RB1: variants seen among roughly 807,000 people sequenced by gnomAD.
RB1 encodes retinoblastoma-associated protein.
A neutral mutation model predicts 135.4 loss-of-function variants in RB1; 18 were observed. That is an observed-to-expected ratio of 0.13 (90% CI 0.09 to 0.20). RB1 has a LOEUF of 0.20. Among genes scored for constraint, RB1 ranks in the 10% least tolerant of loss-of-function variants. The pLI is 1.00. For synonymous variants in RB1, 365 were observed against 373.2 expected (o/e 0.98, Z 0.25); for missense variants, 868 against 1,110.0 (o/e 0.78, Z 3.10).
At chr13:48,336,508 A>G (rs2138075247) in intron 2 of RB1, among the ~76,000 whole-genome samples, 1 of 152,110 alleles carries the variant, frequency 6.6e-6, no homozygotes, top group Non-Finnish European at 1.5e-5. Context: ...GGTAGTTTGT[A>G]TTTCTGTGGG....
intron 17 of RB1, among the ~76,000 whole-genome samples, chr13:48,450,978 T>G (rs138025092): frequency 6.6e-6 from 1 of 152,336 alleles, no homozygotes; most frequent in East Asian, 1.9e-4. Context: ...GGCTCTTTGC[T>G]TGCTTATTGT....
chr13:48,361,321 A>G (rs188491920), intron 7 of RB1, among the ~76,000 whole-genome samples: 91 of 152,274 alleles, frequency 6.0e-4, no homozygotes, highest in Admixed American at 2.9e-3. Flanking sequence ...CTGACTGAAT[A>G]TGGTAACTCT....
At chr13:48,318,737 T>G in intron 2 of RB1, 1 of 653,656 alleles carries the variant, frequency 1.5e-6, no homozygotes, top group Non-Finnish European at 2.8e-6. Flanking sequence ...GGTCCGGTGT[T>G]TTAGAGAGGG....
intron 2 of RB1, among the ~76,000 whole-genome samples, chr13:48,329,899 A>G (rs1952318197): frequency 6.6e-6 from 1 of 152,172 alleles, no homozygotes; most frequent in Non-Finnish European, 1.5e-5. Context: ...GCATACATGG[A>G]ACATTCTCCA....
At chr13:48,325,196 A>G (rs1349017942) in intron 2 of RB1, among the ~76,000 whole-genome samples, 1 of 152,066 alleles carries the variant, frequency 6.6e-6, no homozygotes, top group African/African-American at 2.4e-5. Flanking sequence ...TGTTCTCATT[A>G]TCTAGCTCCT....
intron 17 of RB1, among the ~76,000 whole-genome samples, chr13:48,443,449 T>C (rs1378372238): frequency 6.6e-6 from 1 of 152,182 alleles, no homozygotes; most frequent in Non-Finnish European, 1.5e-5. Context: ...ATATTTCTAA[T>C]GTATTAAGTC....
intron 17 of RB1, among the ~76,000 whole-genome samples, chr13:48,386,541 T>A (rs1022427044): frequency 1.3e-5 from 2 of 152,208 alleles, no homozygotes; most frequent in Non-Finnish European, 2.9e-5. Context: ...ATGTGTTACT[T>A]GTAAGACTGA....
intron 17 of RB1, chr13:48,411,703 A>C: frequency 6.2e-7 from 1 of 1,607,612 alleles, no homozygotes; most frequent in Non-Finnish European, 8.5e-7. Context: ...GGAACAAAAC[A>C]GAAACAGAAT....
chr13:48,380,329 T>A, intron 16 of RB1, 88 bp downstream of exon 16: 1 of 985,924 alleles, frequency 1.0e-6, no homozygotes, highest in Non-Finnish European at 1.6e-6. Flanking sequence ...AGGGATAGTG[T>A]GAGGTTAAGG....
intron 17 of RB1, among the ~76,000 whole-genome samples, chr13:48,410,832 T>C (rs1183781681): frequency 6.6e-6 from 1 of 152,156 alleles, no homozygotes; most frequent in Non-Finnish European, 1.5e-5. Context: ...CTGCTCAAGA[T>C]CTTCCAACAA....
chr13:48,349,122 C>CCTG, intron 6 of RB1, 99 bp downstream of exon 6: 2 of 1,255,596 alleles, frequency 1.6e-6, no homozygotes, highest in South Asian at 1.4e-5. Context: ...GAGTAATGTA[C>CCTG]TCCTCCCTCA....
intron 2 of RB1, among the ~76,000 whole-genome samples, chr13:48,326,118 C>T (rs1440152678): frequency 1.3e-5 from 2 of 152,040 alleles, no homozygotes; most frequent in Non-Finnish European, 2.9e-5. Flanking sequence ...TCCCTCTGCT[C>T]CAAGAAACAG....
chr13:48,308,150 A>G (rs946696122), intron 2 of RB1, among the ~76,000 whole-genome samples: 1 of 151,638 alleles, frequency 6.6e-6, no homozygotes, highest in African/African-American at 2.4e-5. Context: ...AAAAGGAGCA[A>G]ATAATTACTA....
intron 2 of RB1, among the ~76,000 whole-genome samples, chr13:48,309,138 A>T (rs930730234): frequency 6.6e-6 from 1 of 152,224 alleles, no homozygotes; most frequent in Non-Finnish European, 1.5e-5. Context: ...TAAATTAATG[A>T]ATGAATCTCT....
In RB1 at chr13:48,480,095, C is replaced by T. The variant is rs1344482362; in HGVS notation, c.*24C>T. ...GAGGATCTCAGGACCTTGGTGGACA[C>T]TGTGTACACCTCTGGATTCATTGTC... On this transcript the variant is annotated 3_prime_UTR_variant, in exon 27 of 27. Coordinates refer to ENST00000267163, the MANE Select transcript of RB1 (RefSeq NM_000321.3). The T allele has an allele frequency of 1.3e-6, 2 of 1,562,768 alleles. No individual in the cohort carries two copies. The highest frequency in any genetic ancestry group is 4.5e-5 in the East Asian group (2 of 44,274).
intron 17 of RB1, among the ~76,000 whole-genome samples, chr13:48,395,548 A>G (rs1198386533): frequency 6.6e-6 from 1 of 152,138 alleles, no homozygotes; most frequent in Non-Finnish European, 1.5e-5. Flanking sequence ...ACCTGACGGA[A>G]CTGAAAAAAC....
At chr13:48,433,423 T>C (rs1418737287) in intron 17 of RB1, among the ~76,000 whole-genome samples, 1 of 152,154 alleles carries the variant, frequency 6.6e-6, no homozygotes, top group Non-Finnish European at 1.5e-5. Context: ...GAATTGGGAT[T>C]CTGTTGCCTT....
At chr13:48,434,317 G>C (rs1407470937) in intron 17 of RB1, among the ~76,000 whole-genome samples, 1 of 151,922 alleles carries the variant, frequency 6.6e-6, no homozygotes, top group Non-Finnish European at 1.5e-5. Context: ...ATTCTTCAGT[G>C]AATCTGTTTT....
At chr13:48,363,370 G>A (rs1050396041) in intron 8 of RB1, among the ~76,000 whole-genome samples, 3 of 151,990 alleles carry the variant, frequency 2.0e-5, no homozygotes, top group Non-Finnish European at 2.9e-5. Context: ...GAACAACATA[G>A]CGAGACTCTG....
Sources: allele counts gnomAD v4.1 joint callset (sites outside exome capture counted in the v4.1 genomes callset), GRCh38; gene constraint gnomAD v4.1.1; transcripts MANE v1.5; gene names NCBI Gene and HGNC (gene_info 2026-07-23, HGNC 2026-07-21).